Variants in PFN1 observed in about 807,000 individuals in gnomAD.
PFN1 encodes profilin-1.
PFN1 carries 2 observed loss-of-function variants against 11.7 expected under a neutral mutation model. The observed-to-expected ratio is 0.17, with a 90% confidence interval of 0.07 to 0.54. PFN1 has a LOEUF of 0.54. PFN1 is among the 20% of genes least tolerant of loss of function. The pLI, the probability that PFN1 is intolerant of heterozygous loss-of-function variation, is 0.94. For synonymous variants in PFN1, 78 were observed against 76.2 expected (o/e 1.02, Z -0.12); for missense variants, 97 against 188.4 (o/e 0.51, Z 2.84).
At chr17:4,947,847 TGG>T (rs1971439235) in intron 1 of PFN1, among the ~76,000 whole-genome samples, 1 of 151,928 alleles carries the variant, frequency 6.6e-6, no homozygotes, top group African/African-American at 2.4e-5. Flanking sequence ...GGAGAAACAA[TGG>T]TAGAGGGACG....
rs1408276372 is a variant in PFN1 at position 4,945,685 on chromosome 17, A to T, written c.*215T>A. The T allele has an allele frequency of 2.1e-6, 1 of 470,348 alleles. No individual in the cohort carries two copies. The highest frequency in any genetic ancestry group is 3.8e-6 in the Non-Finnish European group (1 of 260,904). The allele number at this position is 470,348 out of a possible 1,614,324, so 29.1% of individuals were successfully genotyped here. On this transcript the variant is annotated 3_prime_UTR_variant, in exon 3 of 3. Coordinates refer to ENST00000225655, the MANE Select transcript of PFN1 (RefSeq NM_005022.4). ...AGAATCTTTTTTATTCAGAAAAAAA[A>T]AACCCCAAAAAACAAAAGTTTTCCA...
At chr17:4,946,020 G>C (rs776213636) in intron 2 of PFN1, 23 bp from the exon 3 acceptor site, 75 of 1,550,232 alleles carry the variant, frequency 4.8e-5, no homozygotes, top group Non-Finnish European at 6.7e-5. Context: ...GAAAGAGAAA[G>C]GAGGCTAGGA....
rs779195721 is a variant in PFN1 at position 4,948,491 on chromosome 17, G to T, written c.-97C>A. The T allele has an allele frequency of 2.2e-6, 3 of 1,355,460 alleles. No homozygotes were observed. The East Asian group carries it at 8.7e-5, about 39-fold the overall frequency. 84.0% of individuals were successfully genotyped at this position (1,355,460 alleles called of 1,614,324 possible). A position where few individuals can be genotyped will look rare whatever the true frequency, so the allele number is the denominator to read the frequency against. ...CGGGCGGGGGGAGGCGGAGAGCTCG[G>T]GGCACGCGCTGCCGTCCGGACCGCG... On this transcript the variant is annotated 5_prime_UTR_variant, in exon 1 of 3. Coordinates refer to ENST00000225655, the MANE Select transcript of PFN1 (RefSeq NM_005022.4).
intron 1 of PFN1, 119 bp from the exon 2 acceptor site, chr17:4,946,939 A>C: frequency 2.6e-6 from 2 of 762,738 alleles, no homozygotes; most frequent in Non-Finnish European, 4.3e-6. Context: ...GGCTAAGTAT[A>C]AATTATATAC....
rs1567664797 is a variant in PFN1 at position 4,945,661 on chromosome 17, G to A, written c.*239C>T. Reference sequence around the variant, plus strand: ...CAAATCACACAGCACCTTGTTAGTAGAATCTTTTTTATTCAGAAAAAAAAA... The same window carrying A: ...CAAATCACACAGCACCTTGTTAGTAAAATCTTTTTTATTCAGAAAAAAAAA... On this transcript the variant is annotated 3_prime_UTR_variant, in exon 3 of 3. Coordinates refer to ENST00000225655, the MANE Select transcript of PFN1 (RefSeq NM_005022.4). 4 of 421,530 alleles carry A rather than the reference G, an allele frequency of 9.5e-6. No homozygotes were observed. Among genetic ancestry groups the A allele is most frequent in the Non-Finnish European group, 1.7e-5 (4 of 232,378 alleles). 26.1% of individuals were successfully genotyped at this position (421,530 alleles called of 1,614,324 possible).
chr17:4,946,009 G>C lies in PFN1; in HGVS notation c.326-12C>G, dbSNP rs371230805. 6.3e-7 allele frequency: 1 copy of C among 1,595,348 alleles called. No homozygotes were observed. Among genetic ancestry groups the C allele is most frequent in the South Asian group, 1.1e-5 (1 of 90,640 alleles). On this transcript the variant is annotated splice_polypyrimidine_tract_variant and intron_variant, in intron 2 of 2. Transcript: ENST00000225655. ...CAGCAGGACTAGCGCTGGAGGAGGA[G>C]GAAAGAGAAAGGAGGCTAGGATCCA...
chr17:4,945,720 G>C lies in PFN1; in HGVS notation c.*180C>G. ...AAACAAAAGTTTTCCAACCACACAC[G>C]GGAGGGATATGGGTAGGGGGAGGTG... On this transcript the variant is annotated 3_prime_UTR_variant, in exon 3 of 3. Transcript: ENST00000225655. 1 of 487,000 alleles carries C rather than the reference G, an allele frequency of 2.1e-6. No individual in the cohort carries two copies. Among genetic ancestry groups the C allele is most frequent in the Non-Finnish European group, 3.7e-6 (1 of 266,790 alleles). 30.2% of individuals were successfully genotyped at this position (487,000 alleles called of 1,614,324 possible).
Position 4,948,435 on chromosome 17 carries a change from C to G in PFN1, c.-41G>C, listed in dbSNP as rs749407067. 6.4e-7 allele frequency: 1 copy of G among 1,559,588 alleles called. No individual in the cohort carries two copies. Among genetic ancestry groups the G allele is most frequent in the Non-Finnish European group, 8.6e-7 (1 of 1,158,108 alleles). ...GCTGCTCTCGGCGCTGCTGCTGGGG[C>G]CGCGGACTGGGCTCGAGCTGCCTCG... On this transcript the variant is annotated 5_prime_UTR_variant, in exon 1 of 3. Coordinates refer to ENST00000225655, the MANE Select transcript of PFN1 (RefSeq NM_005022.4).
chr17:4,945,996 C>T lies in PFN1; in HGVS notation c.327G>A (p.Thr109=), dbSNP rs138201218. The change falls in exon 3 of 3, where the codon ACG becomes ACA. Residue 109 remains threonine, a splice_region_variant and synonymous_variant. Coordinates refer to ENST00000225655, the MANE Select transcript of PFN1 (RefSeq NM_005022.4). ...CTTCTTTGCCCATCAGCAGGACTAG[C>T]GCTGGAGGAGGAGGAAAGAGAAAGG... ...FNVTVTKTDK[T]LVLLMGKEGV... is the part of the protein sequence containing the mutation. 99 of 1,608,854 alleles carry T rather than the reference C, an allele frequency of 6.2e-5. No individual in the cohort carries two copies. The highest frequency in any genetic ancestry group is 8.0e-5 in the Non-Finnish European group (94 of 1,175,500).
In PFN1 at chr17:4,945,856, G is replaced by C. The variant is rs1484819934; in HGVS notation, c.*44C>G. The C allele has an allele frequency of 3.2e-6, 4 of 1,243,182 alleles. No homozygotes were observed. Among genetic ancestry groups the C allele is most frequent in the South Asian group, 1.2e-5 (1 of 83,536 alleles). 77.0% of individuals were successfully genotyped at this position (1,243,182 alleles called of 1,614,324 possible). ...TTGTGTGTGTATGGGGAGGAAAGGG[G>C]TGCAAAGCTGTGGGGAGCGGTGAAG... On this transcript the variant is annotated 3_prime_UTR_variant, in exon 3 of 3. Transcript: ENST00000225655.
intron 1 of PFN1, chr17:4,947,186 G>A (rs1054589542): frequency 7.8e-6 from 1 of 128,400 alleles, no homozygotes; most frequent in Non-Finnish European, 1.6e-5. Flanking sequence ...AGCAGAAGCG[G>A]AGAGGGGAAG....
chr17:4,945,765 C>T lies in PFN1; in HGVS notation c.*135G>A. ...GAGGTGTCTGTCCATCCAGCCCTGGCCCCCAGCCCATGTGGTTTTGGCAGC... is the reference window on the plus strand; with the variant it reads ...GAGGTGTCTGTCCATCCAGCCCTGGTCCCCAGCCCATGTGGTTTTGGCAGC... On this transcript the variant is annotated 3_prime_UTR_variant, in exon 3 of 3. Transcript: ENST00000225655. 3.2e-6 allele frequency: 2 copies of T among 624,892 alleles called. No individual in the cohort carries two copies. The highest frequency in any genetic ancestry group is 6.0e-6 in the Non-Finnish European group (2 of 335,674). The allele number at this position is 624,892 out of a possible 1,614,324, so 38.7% of individuals were successfully genotyped here. A position where few individuals can be genotyped will look rare whatever the true frequency, so the allele number is the denominator to read the frequency against.
chr17:4,946,580 A>G, intron 2 of PFN1, 48 bp downstream of exon 2: 1 of 1,465,762 alleles, frequency 6.8e-7, no homozygotes, highest in East Asian at 2.3e-5. Flanking sequence ...AGAAGGCGGT[A>G]CATTAGAGAT....
intron 1 of PFN1, chr17:4,947,589 A>T (rs1971431116): frequency 6.6e-6 from 1 of 151,244 alleles, no homozygotes; most frequent in Non-Finnish European, 1.5e-5. Context: ...GTAGTAAACC[A>T]ATATACTTTC....
Position 4,948,268 on chromosome 17 carries a change from T to G in PFN1, c.127A>C (p.Ile43Leu). 1 of 1,607,642 alleles carries G rather than the reference T, an allele frequency of 6.2e-7. No individual in the cohort carries two copies. Among genetic ancestry groups the G allele is most frequent in the Non-Finnish European group, 8.5e-7 (1 of 1,177,758 alleles). ...AAVPGKTFVN[I>L]TPAEVGVLVG... ...CCGCGCAGGCCTCGCAGTACCGTGA[T>G]GTTGACGAACGTTTTCCCGGGGACG... is the stretch of plus-strand genomic sequence containing the variant. Residue 43 changes from isoleucine to leucine, a missense_variant, in exon 1 of 3, where the codon ATC becomes CTC. Physicochemically the swap from Ile to Leu is conservative, Grantham distance 5. Transcript: ENST00000225655.
chr17:4,945,781 T>C lies in PFN1; in HGVS notation c.*119A>G. On this transcript the variant is annotated 3_prime_UTR_variant, in exon 3 of 3. Transcript: ENST00000225655. ...CAGCCCTGGCCCCCAGCCCATGTGG[T>C]TTTGGCAGCAATAAGGGGTATGGGG... is the stretch of plus-strand genomic sequence containing the variant. 1.5e-6 allele frequency: 1 copy of C among 665,214 alleles called. No individual in the cohort carries two copies. Among genetic ancestry groups the C allele is most frequent in the East Asian group, 2.8e-5 (1 of 35,422 alleles). 41.2% of individuals were successfully genotyped at this position (665,214 alleles called of 1,614,324 possible).
chr17:4,946,125 C>CG, intron 2 of PFN1, 128 bp from the exon 3 acceptor site: 1 of 652,452 alleles, frequency 1.5e-6, no homozygotes, highest in Non-Finnish European at 2.8e-6. Flanking sequence ...CCCGCCCCCC[C>CG]ACCACACACA....
Position 4,948,489 on chromosome 17 carries a change from C to A in PFN1, c.-95G>T, listed in dbSNP as rs749566386. 1.5e-6 allele frequency: 2 copies of A among 1,366,992 alleles called. No individual in the cohort carries two copies. Among genetic ancestry groups the A allele is most frequent in the East Asian group, 2.9e-5 (1 of 34,506 alleles). 84.7% of individuals were successfully genotyped at this position (1,366,992 alleles called of 1,614,324 possible). A position where few individuals can be genotyped will look rare whatever the true frequency, so the allele number is the denominator to read the frequency against. On this transcript the variant is annotated 5_prime_UTR_variant, in exon 1 of 3. Coordinates refer to ENST00000225655, the MANE Select transcript of PFN1 (RefSeq NM_005022.4). Reference sequence around the variant, plus strand: ...GGCGGGCGGGGGGAGGCGGAGAGCTCGGGGCACGCGCTGCCGTCCGGACCG... The same window carrying A: ...GGCGGGCGGGGGGAGGCGGAGAGCTAGGGGCACGCGCTGCCGTCCGGACCG...
At chr17:4,947,712 C>G (rs760136112) in intron 1 of PFN1, among the ~76,000 whole-genome samples, 230 of 152,100 alleles carry the variant, frequency 1.5e-3, no homozygotes, top group Non-Finnish European at 2.4e-3. Context: ...ATGTTGAATC[C>G]AACGTGCTGA....
Sources: allele counts gnomAD v4.1 joint callset (sites outside exome capture counted in the v4.1 genomes callset), GRCh38; gene constraint gnomAD v4.1.1; transcripts MANE v1.5; gene names NCBI Gene and HGNC (gene_info 2026-07-23, HGNC 2026-07-21).